Variants in PLCL1 observed in about 807,000 individuals in gnomAD.
PLCL1 encodes phospholipase C like 1 (inactive), also known as inactive phospholipase C-like protein 1.
PLCL1 carries 41 observed loss-of-function variants against 84.4 expected under a neutral mutation model. The observed-to-expected ratio is 0.49, with a 90% CI of 0.38 to 0.63. The LOEUF is 0.63. Among genes scored for constraint, PLCL1 ranks in the 30% least tolerant of loss-of-function variants. The pLI is 0.00. For missense variants in PLCL1, 1,206 were observed against 1,367.8 expected (o/e 0.88, Z 1.87); for synonymous variants, 490 against 488.3 (o/e 1.00, Z -0.05).
chr2:198,131,726 G>T (rs1694122843), intron 5 of PLCL1, among the ~76,000 whole-genome samples: 1 of 152,168 alleles, frequency 6.6e-6, no homozygotes, highest in African/African-American at 2.4e-5. Flanking sequence ...CCAGGACATG[G>T]TTTAAACTCT....
At chr2:198,005,641 T>TA (rs1471386109) in intron 1 of PLCL1, among the ~76,000 whole-genome samples, 1 of 152,118 alleles carries the variant, frequency 6.6e-6, no homozygotes, top group South Asian at 2.1e-4. Context: ...CAGACTGCAA[T>TA]AAAAAAGTAT....
intron 1 of PLCL1, among the ~76,000 whole-genome samples, chr2:197,823,300 C>G (rs965884379): frequency 2.6e-5 from 4 of 152,028 alleles, no homozygotes; most frequent in African/African-American, 9.7e-5. Flanking sequence ...TGGTATAGCA[C>G]TACCATTAAA....
intron 1 of PLCL1, among the ~76,000 whole-genome samples, chr2:197,857,703 A>G (rs1213154791): frequency 1.3e-5 from 2 of 152,188 alleles, no homozygotes; most frequent in African/African-American, 4.8e-5. Flanking sequence ...CAAGTTATTA[A>G]AGCATGGTTT....
chr2:197,934,125 A>G (rs1689002573), intron 1 of PLCL1, among the ~76,000 whole-genome samples: 1 of 152,186 alleles, frequency 6.6e-6, no homozygotes, highest in South Asian at 2.1e-4. Flanking sequence ...GTGTTTTAAA[A>G]TGATTGTGTT....
rs1690974525 is a variant in PLCL1, at chr2:197,828,203, T to C, written c.240+22864T>C. 2.0e-5 allele frequency among the ~76,000 whole-genome samples: 3 copies of C among 152,112 alleles called. No homozygotes were observed. The South Asian group carries it at 6.2e-4, about 31-fold the overall frequency. ...AGTATTTCACTGGTGTTTATATTAA[T>C]TATGTTTTATTTGATAAAACCATTT... is the stretch of plus-strand genomic sequence containing the variant. On this transcript the variant is annotated intron_variant, in intron 1 of 5. Transcript: ENST00000428675.
chr2:197,842,739 G>C (rs1241340920), intron 1 of PLCL1, among the ~76,000 whole-genome samples: 2 of 152,110 alleles, frequency 1.3e-5, no homozygotes, highest in African/African-American at 4.8e-5. Context: ...GCTATTACCA[G>C]CACCTAAAAT....
intron 1 of PLCL1, among the ~76,000 whole-genome samples, chr2:197,982,042 AAGTTTAAT>A (rs1225127697): frequency 3.9e-5 from 6 of 151,926 alleles, no homozygotes; most frequent in Non-Finnish European, 7.4e-5. Flanking sequence ...TTATTGCCTT[AAGTTTAAT>A]AGTTTAATAG....
chr2:197,849,433 G>A (rs1026106229), intron 1 of PLCL1, among the ~76,000 whole-genome samples: 1 of 152,122 alleles, frequency 6.6e-6, no homozygotes, highest in African/African-American at 2.4e-5. Flanking sequence ...GTGTGTGCGT[G>A]CATGTGTGTG....
intron 1 of PLCL1, among the ~76,000 whole-genome samples, chr2:198,027,806 G>T (rs777638753): frequency 3.9e-5 from 6 of 152,092 alleles, no homozygotes; most frequent in Admixed American, 1.3e-4. Context: ...AGGGTAATTT[G>T]GAACTTTGAA....
chr2:197,883,748 G>A (rs936091118), intron 1 of PLCL1, among the ~76,000 whole-genome samples: 33 of 152,174 alleles, frequency 2.2e-4, no homozygotes, highest in African/African-American at 7.7e-4. Context: ...AAGGGTAAAG[G>A]AAGTGATACT....
intron 5 of PLCL1, among the ~76,000 whole-genome samples, chr2:198,125,696 G>C (rs1410801718): frequency 6.6e-6 from 1 of 152,120 alleles, no homozygotes; most frequent in Non-Finnish European, 1.5e-5. Context: ...AATATGTCAT[G>C]GTGGGAGATA....
chr2:197,818,770 T>C (rs975356285), intron 1 of PLCL1, among the ~76,000 whole-genome samples: 15 of 152,240 alleles, frequency 9.9e-5, no homozygotes, highest in African/African-American at 3.4e-4. Context: ...GGTGTCTTTC[T>C]GTCTCTTCTT....
chr2:197,809,996 C>T (rs142824121), intron 1 of PLCL1, among the ~76,000 whole-genome samples: 24 of 152,114 alleles, frequency 1.6e-4, no homozygotes, highest in East Asian at 1.5e-3. Context: ...TTAAAAGTTC[C>T]GAATAACCAA....
chr2:198,035,304 A>G (rs1040680330), intron 1 of PLCL1, among the ~76,000 whole-genome samples: 21 of 152,228 alleles, frequency 1.4e-4, no homozygotes, highest in Non-Finnish European at 1.3e-4. Context: ...CTAATTGCCT[A>G]GCTGTATCCT....
intron 1 of PLCL1, among the ~76,000 whole-genome samples, chr2:197,975,635 C>A (rs985299471): frequency 6.6e-6 from 1 of 152,022 alleles, no homozygotes; most frequent in East Asian, 1.9e-4. Flanking sequence ...GAGACCCCCC[C>A]ATCTCTAAAA....
chr2:197,946,485 C>T (rs1051448999), intron 1 of PLCL1, among the ~76,000 whole-genome samples: 1 of 150,752 alleles, frequency 6.6e-6, no homozygotes, highest in South Asian at 2.1e-4. Flanking sequence ...AAGCAAAAGT[C>T]CTCATTATAT....
At chr2:198,098,908 G>T (rs7599640) in intron 3 of PLCL1, among the ~76,000 whole-genome samples, 90,605 of 151,402 alleles carry the variant, frequency 0.6, 27,692 homozygotes, top group East Asian at 0.8. Context: ...TACTCTTAAA[G>T]GGTAACTTTA....
In PLCL1 at chr2:197,805,066, G is replaced by A; in HGVS notation, c.-34G>A. The A allele has an allele frequency of 7.0e-7, 1 of 1,421,332 alleles. No individual in the cohort carries two copies. Among genetic ancestry groups the A allele is most frequent in the Non-Finnish European group, 9.1e-7 (1 of 1,093,108 alleles). The allele number at this position is 1,421,332 out of a possible 1,614,324, so 88.0% of individuals were successfully genotyped here. A position where few individuals can be genotyped will look rare whatever the true frequency, so the allele number is the denominator to read the frequency against. ...GCTGGACTCCGCTGCCGGGCGTCCC[G>A]CTTTCCCCCGGGGAGCCCTAAACGC... On this transcript the variant is annotated 5_prime_UTR_variant, in exon 1 of 6. Transcript: ENST00000428675. The surrounding 1 kb of genome is among the most constrained non-coding windows in gnomAD (Gnocchi z 4.0).
chr2:198,107,029 C>T (rs998600249), intron 5 of PLCL1, among the ~76,000 whole-genome samples: 6 of 151,786 alleles, frequency 4.0e-5, no homozygotes, highest in South Asian at 4.1e-4. Context: ...AAGACGTACC[C>T]GAGAGTGGGT....
Sources: allele counts gnomAD v4.1 joint callset (sites outside exome capture counted in the v4.1 genomes callset), GRCh38; gene constraint gnomAD v4.1.1; non-coding constraint Gnocchi (gnomAD v3.1); transcripts MANE v1.5; gene names NCBI Gene and HGNC (gene_info 2026-07-23, HGNC 2026-07-21).